The following LRRTM4 variants were observed in gnomAD, a reference collection of about 807,000 sequenced individuals.
LRRTM4 encodes leucine-rich repeat transmembrane neuronal protein 4.
Under a neutral mutation model 47.6 loss-of-function variants are expected in LRRTM4, and 25 were observed. The observed-to-expected ratio is 0.53, with a 90% CI of 0.38 to 0.73. The LOEUF (loss-of-function observed/expected upper bound fraction) is 0.73. LRRTM4 is among the 30% of genes least tolerant of loss of function. The pLI is 0.00. For missense variants in LRRTM4, 638 were observed against 713.4 expected, an observed-to-expected ratio of 0.89 and a Z score of 1.20; for synonymous variants, 311 against 269.5, an observed-to-expected ratio of 1.15 and a Z score of -1.51.
chr2:76,818,367 C>G (rs1212164403), intron 3 of LRRTM4, among the ~76,000 whole-genome samples: 1 of 151,210 alleles, frequency 6.6e-6, no homozygotes, highest in Non-Finnish European at 1.5e-5. Flanking sequence ...GAGCTGCAAG[C>G]AGAAAAAAAA....
In LRRTM4 at chr2:76,959,616, A is replaced by C. The variant is rs552896103; in HGVS notation, c.1552-210700T>G. On this transcript the variant is annotated intron_variant, in intron 3 of 3. Coordinates refer to ENST00000409884, the MANE Select transcript of LRRTM4 (RefSeq NM_001134745.3). ...GCAGTATCTAAAACAGCAAAGACTT[A>C]CTCCTATTGGAAAATTTTCATGAAA... Among the ~76,000 whole-genome samples the C allele has an allele frequency of 7.2e-5, 11 of 151,816 alleles. No individual in the cohort carries two copies. The East Asian group carries it at 1.6e-3, about 22-fold the overall frequency.
chr2:77,352,102 G>C (rs1215102311), intron 3 of LRRTM4, among the ~76,000 whole-genome samples: 1 of 152,134 alleles, frequency 6.6e-6, no homozygotes, highest in African/African-American at 2.4e-5. Flanking sequence ...AATGAGGGAA[G>C]ATTCTATTAT....
chr2:77,222,987 C>T (rs542304509), intron 3 of LRRTM4, among the ~76,000 whole-genome samples: 1 of 152,070 alleles, frequency 6.6e-6, no homozygotes, highest in African/African-American at 2.4e-5. Flanking sequence ...AATCCAGCAA[C>T]ATATCAAAAA....
At chr2:76,791,834 A>G (rs1674990112) in intron 3 of LRRTM4, among the ~76,000 whole-genome samples, 1 of 152,220 alleles carries the variant, frequency 6.6e-6, no homozygotes, top group Non-Finnish European at 1.5e-5. Flanking sequence ...TCAAGTCAAA[A>G]CATTGTAATA....
At chr2:77,433,403 T>G (rs1401809009) in intron 3 of LRRTM4, among the ~76,000 whole-genome samples, 3 of 152,128 alleles carry the variant, frequency 2.0e-5, no homozygotes, top group African/African-American at 7.2e-5. Flanking sequence ...TCAAACAGAA[T>G]TAACCATAAC....
chr2:77,078,440 A>G (rs1680422298), intron 3 of LRRTM4, among the ~76,000 whole-genome samples: 1 of 152,122 alleles, frequency 6.6e-6, no homozygotes, highest in African/African-American at 2.4e-5. Context: ...GATCCCAAAA[A>G]TAACAGAGGA....
chr2:77,076,516 A>G (rs1200632598), intron 3 of LRRTM4, among the ~76,000 whole-genome samples: 2 of 152,154 alleles, frequency 1.3e-5, no homozygotes, highest in Non-Finnish European at 2.9e-5. Flanking sequence ...CGATAATGAG[A>G]AGGATACACT....
At chr2:76,968,844 A>T (rs578106354) in intron 3 of LRRTM4, among the ~76,000 whole-genome samples, 1 of 151,754 alleles carries the variant, frequency 6.6e-6, no homozygotes, top group South Asian at 2.1e-4. Flanking sequence ...TTTCTCATTG[A>T]TTTGTGGCTT....
intron 3 of LRRTM4, among the ~76,000 whole-genome samples, chr2:77,414,851 C>A (rs1430027315): frequency 6.6e-6 from 1 of 152,202 alleles, no homozygotes; most frequent in Non-Finnish European, 1.5e-5. Flanking sequence ...AGTGTCTGAG[C>A]TTCCTGGCTG....
At chr2:77,160,408 T>A (rs994059585) in intron 3 of LRRTM4, among the ~76,000 whole-genome samples, 1 of 152,088 alleles carries the variant, frequency 6.6e-6, no homozygotes, top group African/African-American at 2.4e-5. Context: ...AGAGGCTAAA[T>A]TAGAGATGCT....
chr2:76,828,611 T>G (rs1671249977), intron 3 of LRRTM4, among the ~76,000 whole-genome samples: 1 of 151,960 alleles, frequency 6.6e-6, no homozygotes. Context: ...GTGGGTGACA[T>G]GAATGCTAGG....
chr2:76,815,489 A>G (rs1210098589), intron 3 of LRRTM4, among the ~76,000 whole-genome samples: 2 of 152,148 alleles, frequency 1.3e-5, no homozygotes, highest in Admixed American at 6.6e-5. Context: ...ATTAATATCT[A>G]TCAACTGGAA....
chr2:77,052,961 A>G (rs1348498455), intron 3 of LRRTM4, among the ~76,000 whole-genome samples: 1 of 152,094 alleles, frequency 6.6e-6, no homozygotes, highest in African/African-American at 2.4e-5. Flanking sequence ...AAAAGGAGCT[A>G]GGAATCCTAG....
chr2:77,223,146 A>C (rs900756729), intron 3 of LRRTM4, among the ~76,000 whole-genome samples: 8 of 152,100 alleles, frequency 5.3e-5, no homozygotes, highest in African/African-American at 1.9e-4. Flanking sequence ...AGGCCTTTGA[A>C]AAAATTCAAC....
At chr2:77,241,697 A>T (rs1285885924) in intron 3 of LRRTM4, among the ~76,000 whole-genome samples, 1 of 152,108 alleles carries the variant, frequency 6.6e-6, no homozygotes, top group African/African-American at 2.4e-5. Context: ...CAAATATATA[A>T]ATATTCGCTA....
At chr2:77,091,982 A>G (rs1435298288) in intron 3 of LRRTM4, among the ~76,000 whole-genome samples, 52 of 150,640 alleles carry the variant, frequency 3.5e-4, no homozygotes, top group South Asian at 3.2e-3. Context: ...CTGTCCAAAC[A>G]ACTTGACCTT....
intron 3 of LRRTM4, among the ~76,000 whole-genome samples, chr2:76,843,878 A>G (rs559083897): frequency 6.3e-4 from 96 of 152,076 alleles, no homozygotes; most frequent in Non-Finnish European, 1.2e-3. Flanking sequence ...CCCATGCTTT[A>G]AAACATTAAT....
chr2:77,174,624 G>C (rs1673140690), intron 3 of LRRTM4, among the ~76,000 whole-genome samples: 1 of 152,120 alleles, frequency 6.6e-6, no homozygotes, highest in Non-Finnish European at 1.5e-5. Flanking sequence ...GGAATAAGGA[G>C]GGAGGCTGCC....
At chr2:76,802,107 G>C (rs1170096542) in intron 3 of LRRTM4, among the ~76,000 whole-genome samples, 1 of 152,052 alleles carries the variant, frequency 6.6e-6, no homozygotes, top group East Asian at 1.9e-4. Context: ...ATACAGTATT[G>C]AAAGTCCTAG....
Sources: allele counts gnomAD v4.1 joint callset (sites outside exome capture counted in the v4.1 genomes callset), GRCh38; gene constraint gnomAD v4.1.1; transcripts MANE v1.5; gene names NCBI Gene and HGNC (gene_info 2026-07-23, HGNC 2026-07-21).